Variants in DCDC1 observed in about 807,000 individuals in gnomAD.
DCDC1 encodes doublecortin domain containing 1.
In DCDC1, 200 loss-of-function variants were observed where a neutral mutation model predicts 178.3. The observed-to-expected ratio is 1.12, with a 90% CI of 1.00 to 1.26. The LOEUF is 1.26. Among genes scored for constraint, DCDC1 ranks in the 50% most tolerant of loss-of-function variants. The pLI is 0.00. For synonymous variants in DCDC1, 690 were observed against 604.8 expected (o/e 1.14, Z -2.07); for missense variants, 1,983 against 1,749.2 (o/e 1.13, Z -2.38).
chr11:31,091,489 G>T lies in DCDC1; in HGVS notation c.2141C>A (p.Ala714Glu). The change falls in exon 17 of 39, where the codon GCG becomes GAG. Residue 714 changes from alanine to glutamate, a missense_variant. Ala to Glu is a moderately radical substitution (Grantham distance 107). Coordinates refer to ENST00000684477, the MANE Select transcript of DCDC1 (RefSeq NM_001387274.1). Reference protein sequence around the residue: ...ITKTGMILSRAITQGCLAIGH... With the variant: ...ITKTGMILSREITQGCLAIGH... ...AATAGCCAGGCAGCCCTGAGTTATC[G>T]CTCGGCTCAGGATCATTCCAGTCTT... 1.3e-6 allele frequency: 1 copy of T among 757,024 alleles called. No individual in the cohort carries two copies. The highest frequency in any genetic ancestry group is 2.4e-6 in the Non-Finnish European group (1 of 413,220). The allele number at this position is 757,024 out of a possible 1,614,324, so 46.9% of individuals were successfully genotyped here. A position where few individuals can be genotyped will look rare whatever the true frequency, so the allele number is the denominator to read the frequency against.
At chr11:31,260,342 A>G (rs1944699112) in intron 8 of DCDC1, among the ~76,000 whole-genome samples, 2 of 152,218 alleles carry the variant, frequency 1.3e-5, no homozygotes, top group Admixed American at 1.3e-4. Flanking sequence ...TGTCTCCACA[A>G]AAGTTGATAA....
intron 30 of DCDC1, among the ~76,000 whole-genome samples, chr11:30,905,698 G>A (rs1378378014): frequency 6.6e-6 from 1 of 152,128 alleles, no homozygotes; most frequent in African/African-American, 2.4e-5. Context: ...GTAGCACTGG[G>A]GATTCTTTCC....
intron 20 of DCDC1, among the ~76,000 whole-genome samples, chr11:31,042,591 T>G (rs932814822): frequency 1.4e-4 from 21 of 152,172 alleles, no homozygotes; most frequent in Non-Finnish European, 2.6e-4. Flanking sequence ...TGTTGTTGTT[T>G]TTTTTTTCCA....
At chr11:31,369,646 G>A (rs1476587335) in intron 1 of DCDC1, 51 bp downstream of exon 1, 2 of 152,706 alleles carry the variant, frequency 1.3e-5, no homozygotes, top group African/African-American at 2.4e-5. Flanking sequence ...CCGGAAAAGA[G>A]AGACTTAGAG....
intron 20 of DCDC1, among the ~76,000 whole-genome samples, chr11:31,045,567 T>C (rs1445056033): frequency 6.6e-6 from 1 of 152,164 alleles, no homozygotes; most frequent in Non-Finnish European, 1.5e-5. Context: ...CGTTGTAACT[T>C]GCTTTTTAAA....
chr11:31,026,800 C>G (rs1470830631), intron 20 of DCDC1, among the ~76,000 whole-genome samples: 1 of 151,734 alleles, frequency 6.6e-6, no homozygotes, highest in Non-Finnish European at 1.5e-5. Context: ...TTATGAGACT[C>G]TAGCCTTTTT....
At chr11:31,188,356 C>T (rs1187233392) in intron 9 of DCDC1, among the ~76,000 whole-genome samples, 2 of 152,086 alleles carry the variant, frequency 1.3e-5, no homozygotes, top group Non-Finnish European at 2.9e-5. Context: ...TTCATTCATT[C>T]ATTCAAAAAA....
intron 1 of DCDC1, among the ~76,000 whole-genome samples, chr11:31,356,452 TTTATAGCACTAAA>T (rs1323823196): frequency 6.6e-6 from 1 of 150,922 alleles, no homozygotes; most frequent in East Asian, 1.9e-4. Flanking sequence ...TAGAGGGAAA[TTTATAGCACTAAA>T]TGCCCACAAG....
intron 20 of DCDC1, among the ~76,000 whole-genome samples, chr11:31,013,431 CATA>C (rs964092121): frequency 6.6e-6 from 1 of 152,152 alleles, no homozygotes; most frequent in South Asian, 2.1e-4. Context: ...TCTACACATG[CATA>C]ATAAGTGCTC....
intron 20 of DCDC1, among the ~76,000 whole-genome samples, chr11:30,980,820 T>C (rs769907477): frequency 5.3e-5 from 8 of 152,180 alleles, no homozygotes; most frequent in South Asian, 2.1e-4. Flanking sequence ...GAACTAAAAA[T>C]AGAACTACCA....
At chr11:31,016,296 T>C (rs530537693) in intron 20 of DCDC1, among the ~76,000 whole-genome samples, 33 of 152,292 alleles carry the variant, frequency 2.2e-4, no homozygotes, top group African/African-American at 7.7e-4. Context: ...TAAGAAAAAG[T>C]GTCAGAGTCC....
chr11:31,019,970 C>T (rs562529937), intron 20 of DCDC1, among the ~76,000 whole-genome samples: 2 of 152,174 alleles, frequency 1.3e-5, no homozygotes, highest in Non-Finnish European at 2.9e-5. Flanking sequence ...TGCTGTATAA[C>T]GCACCTCATT....
chr11:31,086,467 C>A (rs1957481025), intron 17 of DCDC1, among the ~76,000 whole-genome samples: 2 of 152,150 alleles, frequency 1.3e-5, no homozygotes, highest in South Asian at 4.1e-4. Flanking sequence ...ATATGACTTG[C>A]AAATATTTGC....
At chr11:31,037,928 C>T (rs1181952153) in intron 20 of DCDC1, among the ~76,000 whole-genome samples, 1 of 151,952 alleles carries the variant, frequency 6.6e-6, no homozygotes, top group East Asian at 2.0e-4. Flanking sequence ...AAATTTGGTT[C>T]AGTTAATGAA....
intron 38 of DCDC1, among the ~76,000 whole-genome samples, chr11:30,874,345 G>A (rs1222743948): frequency 6.6e-6 from 1 of 152,148 alleles, no homozygotes. Context: ...CACACCAGGT[G>A]TTTCTTGTGC....
chr11:30,980,972 A>G (rs1400735832), intron 20 of DCDC1, among the ~76,000 whole-genome samples: 2 of 152,202 alleles, frequency 1.3e-5, no homozygotes, highest in African/African-American at 4.8e-5. Flanking sequence ...TCAACAGATG[A>G]TAATGTGGTA....
chr11:31,024,244 G>T (rs1240688246), intron 20 of DCDC1, among the ~76,000 whole-genome samples: 1 of 151,932 alleles, frequency 6.6e-6, no homozygotes, highest in African/African-American at 2.4e-5. Context: ...AGTAGAAAAA[G>T]CAGCAGTAGT....
At chr11:31,162,095 G>C (rs1198473215) in intron 9 of DCDC1, among the ~76,000 whole-genome samples, 2 of 152,084 alleles carry the variant, frequency 1.3e-5, no homozygotes, top group Non-Finnish European at 2.9e-5. Flanking sequence ...ATATAAGACA[G>C]GTCAAAGGTG....
chr11:31,350,852 T>C (rs929296492), intron 1 of DCDC1, among the ~76,000 whole-genome samples: 14 of 152,100 alleles, frequency 9.2e-5, no homozygotes, highest in African/African-American at 1.7e-4. Context: ...ATAGCAACCA[T>C]ACCTTTCATT....
Sources: allele counts gnomAD v4.1 joint callset (sites outside exome capture counted in the v4.1 genomes callset), GRCh38; gene constraint gnomAD v4.1.1; transcripts MANE v1.5; gene names NCBI Gene and HGNC (gene_info 2026-07-23, HGNC 2026-07-21).